CATSPERB: variants seen among roughly 807,000 people sequenced by gnomAD.
The protein encoded by CATSPERB is cation channel sperm-associated auxiliary subunit beta.
In CATSPERB, 93 loss-of-function variants were observed where a neutral mutation model predicts 128.3. The ratio of observed to expected loss-of-function variants is 0.72; its 90% CI spans 0.61 to 0.86. The LOEUF (loss-of-function observed/expected upper bound fraction) is 0.86, where lower values mean the gene tolerates loss of function less well. Among genes scored for constraint, CATSPERB ranks in the 40% least tolerant of loss-of-function variants. The probability of loss-of-function intolerance (pLI) is 0.00; values close to 1 mark genes in which losing one functional copy is unlikely to be tolerated. For synonymous variants in CATSPERB, 381 were observed against 448.8 expected, an observed-to-expected ratio of 0.85 and a Z score of 1.91; for missense variants, 1,153 against 1,329.5, an observed-to-expected ratio of 0.87 and a Z score of 2.06.
chr14:91,695,248 T>C lies in CATSPERB; in HGVS notation c.617-1769A>G, dbSNP rs556333823. Among the ~76,000 whole-genome samples, 29 of 151,642 alleles carry C rather than the reference T, an allele frequency of 1.9e-4. No individual in the cohort carries two copies. The South Asian group carries it at 3.6e-3, about 19-fold the overall frequency. On this transcript the variant is annotated intron_variant, in intron 7 of 26. Transcript: ENST00000256343. ...AGGTTCGAGCAATTCTCGTGCCTCA[T>C]CCTCCTGAGTAGCTGGGATTACAGG...
chr14:91,715,855 C>T (rs1895929142), intron 5 of CATSPERB, among the ~76,000 whole-genome samples: 1 of 152,102 alleles, frequency 6.6e-6, no homozygotes, highest in South Asian at 2.1e-4. Flanking sequence ...AAAGTTTTCA[C>T]AATGGTACTG....
chr14:91,656,558 T>C (rs1268464631), intron 15 of CATSPERB, among the ~76,000 whole-genome samples: 3 of 151,442 alleles, frequency 2.0e-5, no homozygotes, highest in Admixed American at 1.3e-4. Flanking sequence ...CCAGAGAAAA[T>C]TGCCTTCACT....
At chr14:91,622,479 G>A (rs374073556) in intron 18 of CATSPERB, among the ~76,000 whole-genome samples, 1 of 152,194 alleles carries the variant, frequency 6.6e-6, no homozygotes, top group African/African-American at 2.4e-5. Context: ...CTCTCACGGA[G>A]ACGAAGAAGA....
intron 7 of CATSPERB, among the ~76,000 whole-genome samples, chr14:91,696,879 A>G (rs935921917): frequency 6.6e-6 from 1 of 152,236 alleles, no homozygotes; most frequent in African/African-American, 2.4e-5. Flanking sequence ...GGCAAAGCAT[A>G]CAAATGCAGG....
At chr14:91,698,797 A>T (rs1217485631) in intron 7 of CATSPERB, among the ~76,000 whole-genome samples, 2 of 152,202 alleles carry the variant, frequency 1.3e-5, no homozygotes, top group Admixed American at 1.3e-4. Flanking sequence ...TAGTGCAGCC[A>T]TCACCCAAGT....
chr14:91,659,272 G>C (rs2139820453), intron 15 of CATSPERB, among the ~76,000 whole-genome samples: 1 of 152,224 alleles, frequency 6.6e-6, no homozygotes, highest in South Asian at 2.1e-4. Flanking sequence ...ATAGTACTTT[G>C]TACCCCATGA....
chr14:91,600,409 C>T (rs1410423726), intron 22 of CATSPERB, among the ~76,000 whole-genome samples: 1 of 151,978 alleles, frequency 6.6e-6, no homozygotes, highest in Non-Finnish European at 1.5e-5. Flanking sequence ...GTTTATATAT[C>T]TTCTGTATTA....
At chr14:91,599,081 T>C (rs74721120) in intron 22 of CATSPERB, among the ~76,000 whole-genome samples, 3,283 of 152,174 alleles carry the variant, frequency 0.022, 98 homozygotes, top group African/African-American at 0.074. Flanking sequence ...CAGGGATTCA[T>C]TGGAGGGGTG....
intron 14 of CATSPERB, among the ~76,000 whole-genome samples, chr14:91,667,737 T>G (rs1437610262): frequency 2.6e-5 from 4 of 151,712 alleles, no homozygotes; most frequent in Non-Finnish European, 4.4e-5. Flanking sequence ...CACTAACCAG[T>G]CAGGGATAGT....
At chr14:91,687,368 G>T (rs977442413) in intron 10 of CATSPERB, among the ~76,000 whole-genome samples, 2 of 152,128 alleles carry the variant, frequency 1.3e-5, no homozygotes, top group Admixed American at 1.3e-4. Context: ...AAGGTGAATG[G>T]AATTAGTACC....
At chr14:91,646,187 A>C (rs1894601307) in intron 15 of CATSPERB, 1 of 159,070 alleles carries the variant, frequency 6.3e-6, no homozygotes, top group Non-Finnish European at 1.4e-5. Context: ...TCACGCTGGG[A>C]GCTGTAGACC....
intron 23 of CATSPERB, among the ~76,000 whole-genome samples, chr14:91,590,020 C>T (rs773312624): frequency 6.6e-6 from 1 of 152,146 alleles, no homozygotes; most frequent in Non-Finnish European, 1.5e-5. Context: ...GTCTTGCGGG[C>T]ACAATCTGTA....
chr14:91,703,273 GA>G (rs1221990283), intron 7 of CATSPERB, among the ~76,000 whole-genome samples: 2 of 151,986 alleles, frequency 1.3e-5, no homozygotes, highest in Admixed American at 1.3e-4. Flanking sequence ...GTGATATAAC[GA>G]GAAATACGTA....
At chr14:91,676,471 A>G (rs1219762777) in intron 11 of CATSPERB, among the ~76,000 whole-genome samples, 2 of 151,900 alleles carry the variant, frequency 1.3e-5, no homozygotes, top group Admixed American at 1.3e-4. Context: ...CAGAGCTCAC[A>G]TGGTTAATTT....
intron 13 of CATSPERB, among the ~76,000 whole-genome samples, chr14:91,671,894 CT>C (rs1453328768): frequency 6.6e-6 from 1 of 151,972 alleles, no homozygotes; most frequent in African/African-American, 2.4e-5. Context: ...TGGCGGGCGC[CT>C]GTAGTCCCAG....
intron 20 of CATSPERB, among the ~76,000 whole-genome samples, chr14:91,612,012 T>TTTTCTTTCTCTC (rs1893837629): frequency 3.0e-5 from 4 of 132,924 alleles, no homozygotes; most frequent in Non-Finnish European, 6.4e-5. Flanking sequence ...TTGTTTACTG[T>TTTTCTTTCTCTC]TTTCTTTCTT....
intron 22 of CATSPERB, among the ~76,000 whole-genome samples, chr14:91,605,481 C>A (rs187744828): frequency 6.6e-6 from 1 of 152,314 alleles, no homozygotes; most frequent in East Asian, 1.9e-4. Context: ...CAGTAACCAT[C>A]ATGTTACTTT....
At chr14:91,632,387 A>G (rs1330251060) in intron 17 of CATSPERB, among the ~76,000 whole-genome samples, 2 of 152,192 alleles carry the variant, frequency 1.3e-5, no homozygotes, top group East Asian at 3.8e-4. Flanking sequence ...AATGAATTTA[A>G]TGCTACAGAA....
rs748001210 is a variant in CATSPERB at position 91,625,000 on chromosome 14, C to T, written c.1750G>A (p.Gly584Arg). The T allele has an allele frequency of 1.9e-6, 3 of 1,569,770 alleles. No individual in the cohort carries two copies. The highest frequency in any genetic ancestry group is 1.7e-6 in the Non-Finnish European group (2 of 1,164,878). The change falls in exon 18 of 27, where the codon GGA (glycine) becomes AGA (arginine). Residue 584 changes from glycine (G) to arginine (R), a missense_variant. Coordinates refer to ENST00000256343, the MANE Select transcript of CATSPERB (RefSeq NM_024764.4). ...AATACCTTTCTTATGTAAGCTCTTCCAGTTTTCCTAAAAACAAATAAAACC... is the reference window on the plus strand; with the variant it reads ...AATACCTTTCTTATGTAAGCTCTTCTAGTTTTCCTAAAAACAAATAAAACC... ...YGKVIHSGKT[G>R]RAYIRKVLQH...
Sources: allele counts gnomAD v4.1 joint callset (sites outside exome capture counted in the v4.1 genomes callset), GRCh38; gene constraint gnomAD v4.1.1; transcripts MANE v1.5; gene names NCBI Gene and HGNC (gene_info 2026-07-23, HGNC 2026-07-21).